The following LRRC42 variants were observed in gnomAD, a reference collection of about 807,000 sequenced individuals.
LRRC42 encodes the protein leucine rich repeat containing 42.
A neutral mutation model predicts 44.3 loss-of-function variants in LRRC42; 43 were observed. That is an observed-to-expected ratio of 0.97 (90% confidence interval 0.76 to 1.25). The LOEUF (loss-of-function observed/expected upper bound fraction) is 1.25, where lower values mean the gene tolerates loss of function less well. LRRC42 is among the 50% of genes most tolerant of loss of function. LRRC42 has a pLI of 0.00. For missense variants in LRRC42, 540 were observed against 509.1 expected (o/e 1.06, Z -0.58); for synonymous variants, 207 against 195.2 (o/e 1.06, Z -0.50).
At position 53,952,553 on chromosome 1, in the gene LRRC42, G is replaced by T. The variant is rs1028521423; in HGVS notation, c.473+81G>T. Reference sequence around the variant, plus strand: ...GCTCTGGGGCTTAGTGGGCTCAGGGGCTTCCCTCATCAAATAGCACTTCAG... The same window carrying T: ...GCTCTGGGGCTTAGTGGGCTCAGGGTCTTCCCTCATCAAATAGCACTTCAG... On this transcript the variant is annotated intron_variant, in intron 3 of 8. Coordinates refer to ENST00000371370, the MANE Select transcript of LRRC42 (RefSeq NM_001256409.2). 22 of 1,173,924 alleles carry T rather than the reference G, an allele frequency of 1.9e-5. No individual in the cohort carries two copies. In the African/African-American group the frequency reaches 3.4e-4, roughly 18 times the overall value. The allele number at this position is 1,173,924 out of a possible 1,614,324, so 72.7% of individuals were successfully genotyped here.
chr1:53,967,961 T>G lies in LRRC42; in HGVS notation c.*22T>G. 6.2e-7 allele frequency: 1 copy of G among 1,601,020 alleles called. No individual in the cohort carries two copies. The highest frequency in any genetic ancestry group is 8.5e-7 in the Non-Finnish European group (1 of 1,171,558). On this transcript the variant is annotated 3_prime_UTR_variant, in exon 9 of 9. Transcript: ENST00000371370. ...TTGATTAGTAGATACAAGTTGACCT[T>G]TCTCTGGCCCCCAGCTCTAGTGTTT...
chr1:53,957,311 G>A (rs56370071), intron 3 of LRRC42, among the ~76,000 whole-genome samples: 13,653 of 152,144 alleles, frequency 0.09, 1,229 homozygotes, highest in African/African-American at 0.24. Flanking sequence ...CAGTTTCCCT[G>A]TCCTCTTAGG....
Position 53,962,037 on chromosome 1 carries a change from A to G in LRRC42, c.728A>G (p.Asn243Ser). 6.2e-7 allele frequency: 1 copy of G among 1,609,760 alleles called. No individual in the cohort carries two copies. Among genetic ancestry groups the G allele is most frequent in the Admixed American group, 1.7e-5 (1 of 59,812 alleles). Residue 243 changes from asparagine (N) to serine (S), a missense_variant, in exon 6 of 9, where the codon AAC (asparagine) becomes AGC (serine). Asn to Ser is a conservative substitution (Grantham distance 46). Transcript: ENST00000371370. ...ENLTLLDLSC[N>S]PEITDAGIGY... ...CTACGTTGTTTTTGACATCTAGGTA[A>G]CCCTGAGATCACAGATGCAGGCATT...
At chr1:53,952,540 A>C (rs995660568) in intron 3 of LRRC42, 68 bp downstream of exon 3, 80 of 1,350,368 alleles carry the variant, frequency 5.9e-5, no homozygotes, top group Non-Finnish European at 8.0e-5. Context: ...TCTGGGGCTT[A>C]GTGGGCTCAG....
At chr1:53,966,451 C>G in intron 8 of LRRC42, 71 bp downstream of exon 8, 1 of 1,063,562 alleles carries the variant, frequency 9.4e-7, no homozygotes, top group Non-Finnish European at 1.5e-6. Flanking sequence ...GCTTGTTTTC[C>G]CTCCTTGGAA....
rs1316488869 is a variant in LRRC42, at chr1:53,968,063, A to G, written c.*124A>G. ...ATTAGCATAGTAAGCAGATATTTCTACTTTTGTGGTGTGGGAGGGGAATGC... is the reference window on the plus strand; with the variant it reads ...ATTAGCATAGTAAGCAGATATTTCTGCTTTTGTGGTGTGGGAGGGGAATGC... On this transcript the variant is annotated 3_prime_UTR_variant, in exon 9 of 9. Coordinates refer to ENST00000371370, the MANE Select transcript of LRRC42 (RefSeq NM_001256409.2). 4 of 1,019,244 alleles carry G rather than the reference A, an allele frequency of 3.9e-6. No individual in the cohort carries two copies. The highest frequency in any genetic ancestry group is 5.8e-6 in the Non-Finnish European group (4 of 693,718). 63.1% of individuals were successfully genotyped at this position (1,019,244 alleles called of 1,614,324 possible).
intron 7 of LRRC42, among the ~76,000 whole-genome samples, chr1:53,963,236 T>A (rs1413486099): frequency 6.6e-6 from 1 of 152,192 alleles, no homozygotes; most frequent in African/African-American, 2.4e-5. Context: ...CTGAGTCGTG[T>A]TTCAGAAGCA....
intron 1 of LRRC42, among the ~76,000 whole-genome samples, chr1:53,947,347 G>C (rs1654529288): frequency 1.3e-5 from 2 of 152,068 alleles, no homozygotes; most frequent in Non-Finnish European, 2.9e-5. Flanking sequence ...AGACTGGCAT[G>C]TTCTTGGAGG....
At chr1:53,967,399 A>G (rs1289476795) in intron 8 of LRRC42, among the ~76,000 whole-genome samples, 6 of 152,182 alleles carry the variant, frequency 3.9e-5, no homozygotes, top group Non-Finnish European at 7.3e-5. Flanking sequence ...GATTAAACAG[A>G]ATCTCAGACA....
intron 2 of LRRC42, among the ~76,000 whole-genome samples, chr1:53,951,754 G>A (rs371252254): frequency 4.1e-4 from 63 of 152,264 alleles, no homozygotes; most frequent in African/African-American, 1.3e-3. Context: ...AAGAGTGGGA[G>A]ATGGCCAGAT....
chr1:53,963,739 A>G (rs767014343), intron 7 of LRRC42, among the ~76,000 whole-genome samples: 2 of 151,884 alleles, frequency 1.3e-5, no homozygotes, highest in Non-Finnish European at 2.9e-5. Flanking sequence ...CCTCATTCTC[A>G]TCTCACAAGG....
Position 53,948,872 on chromosome 1 carries a change from G to A in LRRC42, c.-15+1051G>A, listed in dbSNP as rs114073924. On this transcript the variant is annotated intron_variant, in intron 2 of 8. Transcript: ENST00000371370. ...AATGTTAATTTAATGCTTAGGTCAT[G>A]TTACATACCTCATAGACTCAGGAAG... 3.0e-3 allele frequency among the ~76,000 whole-genome samples: 456 copies of A among 152,288 alleles called. 3 individuals carry two copies. Among genetic ancestry groups the A allele is most frequent in the African/African-American group, 0.011 (439 of 41,546 alleles).
At chr1:53,960,173 T>G (rs982362104) in intron 4 of LRRC42, among the ~76,000 whole-genome samples, 183 bp from the exon 5 acceptor site, 1 of 152,168 alleles carries the variant, frequency 6.6e-6, no homozygotes, top group Non-Finnish European at 1.5e-5. Context: ...GTGCTGACAT[T>G]ACAAGCATGA....
rs1260772529 is a variant in LRRC42 at position 53,952,318 on chromosome 1, CT to C, written c.321del (p.Ile108LeufsTer28). On this transcript the variant is annotated frameshift_variant, in exon 3 of 9. Coordinates refer to ENST00000371370, the MANE Select transcript of LRRC42 (RefSeq NM_001256409.2). LOFTEE classifies it high-confidence loss of function. ...CGACAATGTGGATCACATTGATTCC[CT>C]TATTGGCTTTCCTGAGCAGATTGCT... is the stretch of plus-strand genomic sequence containing the variant. Reference protein sequence around the residue: ...ISDNVDHIDSLIGFPEQIAEK... With the variant: ...ISDNVDHIDSXIGFPEQIAEK... 6.2e-7 allele frequency: 1 copy of C among 1,614,198 alleles called. No individual in the cohort carries two copies. The highest frequency in any genetic ancestry group is 8.5e-7 in the Non-Finnish European group (1 of 1,180,024).
chr1:53,951,489 A>G (rs1440793559), intron 2 of LRRC42, among the ~76,000 whole-genome samples: 6 of 152,148 alleles, frequency 3.9e-5, no homozygotes, highest in African/African-American at 7.2e-5. Context: ...CAATGAAACA[A>G]TCTTGGCTCA....
At chr1:53,967,592 G>A (rs1292977936) in intron 8 of LRRC42, 73 bp from the exon 9 acceptor site, 10 of 1,433,814 alleles carry the variant, frequency 7.0e-6, no homozygotes, top group Non-Finnish European at 8.7e-6. Context: ...ATATCCCTGG[G>A]TTTATCCTAG....
rs1256187265 is a variant in LRRC42, at chr1:53,967,995, G to A, written c.*56G>A. On this transcript the variant is annotated 3_prime_UTR_variant, in exon 9 of 9. Transcript: ENST00000371370. ...CCCCAGCTCTAGTGTTTGAGTAAAG[G>A]AGACTGAGGATGATTTACTTTTTGT... 1 of 1,534,010 alleles carries A rather than the reference G, an allele frequency of 6.5e-7. No individual in the cohort carries two copies. Among genetic ancestry groups the A allele is most frequent in the Non-Finnish European group, 8.8e-7 (1 of 1,132,986 alleles).
chr1:53,960,788 T>C (rs1654974657), intron 5 of LRRC42, among the ~76,000 whole-genome samples: 1 of 152,236 alleles, frequency 6.6e-6, no homozygotes, highest in Admixed American at 6.5e-5. Context: ...ATCTTTATTT[T>C]CCTTGAGTCT....
Position 53,962,383 on chromosome 1 carries a change from T to C in LRRC42, c.901T>C (p.Cys301Arg). 2 of 1,613,592 alleles carry C rather than the reference T, an allele frequency of 1.2e-6. No homozygotes were observed. Among genetic ancestry groups the C allele is most frequent in the South Asian group, 1.1e-5 (1 of 91,070 alleles). ...VPLKEFDHSN[C>R]KTEGWADQIV... ...TTTGAAGGAATTTGATCATAGTAACTGCAAGACAGAGGGCTGGGCTGACCA... is the reference window on the plus strand; with the variant it reads ...TTTGAAGGAATTTGATCATAGTAACCGCAAGACAGAGGGCTGGGCTGACCA... The change falls in exon 7 of 9, where the codon TGC (cysteine) becomes CGC (arginine). Residue 301 changes from cysteine to arginine, a missense_variant. Physicochemically the swap from Cys to Arg is radical, Grantham distance 180. Coordinates refer to ENST00000371370, the MANE Select transcript of LRRC42 (RefSeq NM_001256409.2).
Sources: gnomAD v4.1 joint callset for allele counts (sites outside exome capture counted in the v4.1 genomes callset) on GRCh38, gnomAD v4.1.1 for gene constraint, MANE v1.5 for transcripts, NCBI Gene and HGNC (gene_info 2026-07-23, HGNC 2026-07-21) for gene names.